NMNAT2: variants seen among roughly 807,000 people sequenced by gnomAD.
NMNAT2 encodes nicotinamide/nicotinic acid mononucleotide adenylyltransferase 2.
Under a neutral mutation model 41.6 loss-of-function variants are expected in NMNAT2, and 11 were observed. The ratio of observed to expected loss-of-function variants is 0.26; its 90% CI spans 0.17 to 0.44. The LOEUF is 0.44. NMNAT2 is among the 20% of genes least tolerant of loss of function. NMNAT2 has a pLI of 1.00. For synonymous variants in NMNAT2, 148 were observed against 151.2 expected (o/e 0.98, Z 0.16); for missense variants, 288 against 407.7 (o/e 0.71, Z 2.53).
chr1:183,310,308 T>C (rs1013619459), intron 1 of NMNAT2, among the ~76,000 whole-genome samples: 1 of 152,234 alleles, frequency 6.6e-6, no homozygotes, highest in African/African-American at 2.4e-5. Flanking sequence ...CAAAAGCTCC[T>C]TGCATGAACA....
chr1:183,349,970 T>C (rs1571613722), intron 1 of NMNAT2, among the ~76,000 whole-genome samples: 4 of 152,276 alleles, frequency 2.6e-5, no homozygotes, highest in East Asian at 3.9e-4. Context: ...TGGCAGAATA[T>C]AGTCTGAGGC....
At chr1:183,411,822 G>A (rs1379281370) in intron 1 of NMNAT2, among the ~76,000 whole-genome samples, 1 of 152,212 alleles carries the variant, frequency 6.6e-6, no homozygotes, top group Non-Finnish European at 1.5e-5. Context: ...GAATAACAGG[G>A]ACTGGGAGTG....
chr1:183,414,081 A>C (rs1320842176), intron 1 of NMNAT2, among the ~76,000 whole-genome samples: 1 of 152,180 alleles, frequency 6.6e-6, no homozygotes, highest in East Asian at 1.9e-4. Context: ...CTGGCTTAAA[A>C]GGAGGAAAGA....
Position 183,343,236 on chromosome 1 carries a change from G to C in NMNAT2, c.86-49443C>G, listed in dbSNP as rs370873492. Among the ~76,000 whole-genome samples the C allele has an allele frequency of 6.6e-5, 10 of 152,206 alleles. No individual in the cohort carries two copies. The East Asian group carries it at 7.7e-4, about 12-fold the overall frequency. On this transcript the variant is annotated intron_variant, in intron 1 of 10. Transcript: ENST00000287713. Reference sequence around the variant, plus strand: ...TTCTTCTTTCTGAATTTCTCAAATAGATATCCCTCTTCTCCTTCCCCACTA... The same window carrying C: ...TTCTTCTTTCTGAATTTCTCAAATACATATCCCTCTTCTCCTTCCCCACTA...
intron 1 of NMNAT2, among the ~76,000 whole-genome samples, chr1:183,369,345 C>T (rs552612826): frequency 5.3e-5 from 8 of 150,096 alleles, no homozygotes; most frequent in African/African-American, 7.4e-5. Context: ...GGCGTGATCT[C>T]GGCTCACTGC....
chr1:183,301,257 T>C lies in NMNAT2; in HGVS notation c.86-7464A>G, dbSNP rs778923155. Reference sequence around the variant, plus strand: ...GAGACCAAGGCTGCAGGTCTGCAGATTATATTTTAAACAGCAAGCGACTAA... The same window carrying C: ...GAGACCAAGGCTGCAGGTCTGCAGACTATATTTTAAACAGCAAGCGACTAA... On this transcript the variant is annotated intron_variant, in intron 1 of 10. Coordinates refer to ENST00000287713, the MANE Select transcript of NMNAT2 (RefSeq NM_015039.4). Among the ~76,000 whole-genome samples the C allele has an allele frequency of 3.5e-4, 53 of 152,220 alleles. 1 individual carries two copies. The highest frequency in any genetic ancestry group is 6.5e-5 in the Admixed American group (1 of 15,278).
chr1:183,302,179 T>C (rs1361809829), intron 1 of NMNAT2, among the ~76,000 whole-genome samples: 2 of 152,242 alleles, frequency 1.3e-5, no homozygotes, highest in East Asian at 3.9e-4. Flanking sequence ...AATAAGTGCT[T>C]ATTATGTTGA....
intron 1 of NMNAT2, among the ~76,000 whole-genome samples, chr1:183,364,210 G>A (rs1202325710): frequency 6.6e-6 from 1 of 152,250 alleles, no homozygotes; most frequent in African/African-American, 2.4e-5. Flanking sequence ...AAGGGGATAT[G>A]ACACAGTCTG....
intron 7 of NMNAT2, among the ~76,000 whole-genome samples, chr1:183,280,844 G>A (rs957559786): frequency 2.0e-4 from 27 of 133,584 alleles, no homozygotes; most frequent in Non-Finnish European, 3.2e-4. Context: ...GAGTGCAATG[G>A]CGTGATCTCC....
chr1:183,345,966 G>A (rs748424959), intron 1 of NMNAT2, among the ~76,000 whole-genome samples: 3 of 152,186 alleles, frequency 2.0e-5, no homozygotes, highest in Non-Finnish European at 2.9e-5. Context: ...GATTACAGTC[G>A]TGAGCCATTG....
In NMNAT2 at chr1:183,418,240, T is replaced by C. The variant is rs199812045; in HGVS notation, c.28A>G (p.Ile10Val). ...TTGAAGCTGCCGCAGGCGAGCAAGA[T>C]AACGTGGGTCTTGGTGGTCTCGGTC... MTETTKTHV[I>V]LLACGSFNPI... The change falls in exon 1 of 11, where the codon ATC (isoleucine) becomes GTC (valine). Residue 10 changes from isoleucine (I) to valine (V), a missense_variant. Around this residue, in one of 3 missense-constraint regions of NMNAT2, gnomAD observed 100 missense variants for 168.5 expected, o/e 0.59. Coordinates refer to ENST00000287713, the MANE Select transcript of NMNAT2 (RefSeq NM_015039.4). The C allele has an allele frequency of 8.1e-6, 13 of 1,613,826 alleles. No homozygotes were observed. Among genetic ancestry groups the C allele is most frequent in the Admixed American group, 1.7e-5 (1 of 59,980 alleles).
At chr1:183,291,189 T>C (rs905769760) in intron 3 of NMNAT2, among the ~76,000 whole-genome samples, 3 of 152,176 alleles carry the variant, frequency 2.0e-5, no homozygotes, top group Admixed American at 6.5e-5. Flanking sequence ...AGTGCTGGGA[T>C]TACAAGCATG....
intron 1 of NMNAT2, among the ~76,000 whole-genome samples, chr1:183,368,405 C>T (rs1371226330): frequency 6.6e-6 from 1 of 152,150 alleles, no homozygotes; most frequent in Non-Finnish European, 1.5e-5. Context: ...CACTCCCTGC[C>T]CCTGGGCTGC....
At chr1:183,347,415 C>T (rs1383897727) in intron 1 of NMNAT2, among the ~76,000 whole-genome samples, 1 of 152,022 alleles carries the variant, frequency 6.6e-6, no homozygotes, top group Non-Finnish European at 1.5e-5. Context: ...ATGATCGTAC[C>T]ACCGCACTCC....
chr1:183,304,780 G>A, intron 1 of NMNAT2: 1 of 1,613,070 alleles, frequency 6.2e-7, no homozygotes, highest in Non-Finnish European at 8.5e-7. Context: ...GCAGCCCTGT[G>A]CTGGCCATCA....
chr1:183,395,675 A>T (rs1648617986), intron 1 of NMNAT2, among the ~76,000 whole-genome samples: 1 of 152,302 alleles, frequency 6.6e-6, no homozygotes, highest in South Asian at 2.1e-4. Context: ...AGGTCCAAGG[A>T]GGTGCCTTAC....
intron 1 of NMNAT2, among the ~76,000 whole-genome samples, chr1:183,296,972 G>A (rs755812095): frequency 6.6e-6 from 1 of 151,830 alleles, no homozygotes; most frequent in African/African-American, 2.4e-5. Context: ...TCCTCTTCGG[G>A]GTCATTTCTA....
chr1:183,329,106 C>T lies in NMNAT2; in HGVS notation c.86-35313G>A, dbSNP rs1422968136. 2.6e-5 allele frequency among the ~76,000 whole-genome samples: 4 copies of T among 152,158 alleles called. No individual in the cohort carries two copies. The South Asian group carries it at 8.3e-4, about 32-fold the overall frequency. On this transcript the variant is annotated intron_variant, in intron 1 of 10. Coordinates refer to ENST00000287713, the MANE Select transcript of NMNAT2 (RefSeq NM_015039.4). ...AAGGGTTCCCTACAGCTTTCCAAAT[C>T]AGGGTTCCTAGCCTCCCTGAAGCCC...
chr1:183,255,717 G>T (rs1660499255), intron 10 of NMNAT2, among the ~76,000 whole-genome samples: 1 of 141,460 alleles, frequency 7.1e-6, no homozygotes, highest in African/African-American at 2.6e-5. Flanking sequence ...AGGCAGGCAT[G>T]CAATGGTGTG....
Sources: gnomAD v4.1 joint callset for allele counts (sites outside exome capture counted in the v4.1 genomes callset) on GRCh38, gnomAD v4.1.1 for gene constraint, gnomAD v4.1.1 regional missense constraint, MANE v1.5 for transcripts, NCBI Gene and HGNC (gene_info 2026-07-23, HGNC 2026-07-21) for gene names.